Variants in ADGRE3 observed in about 807,000 individuals in gnomAD.
ADGRE3 encodes the protein adhesion G protein-coupled receptor E3.
In ADGRE3, 88 loss-of-function variants were observed where a neutral mutation model predicts 80.1. The ratio of observed to expected loss-of-function variants is 1.10; its 90% CI spans 0.93 to 1.31. The LOEUF is 1.31. Among genes scored for constraint, ADGRE3 ranks in the 40% most tolerant of loss-of-function variants. ADGRE3 has a pLI of 0.00. For synonymous variants in ADGRE3, 281 were observed against 294.8 expected (o/e 0.95, Z 0.48); for missense variants, 715 against 776.5 (o/e 0.92, Z 0.94).
At chr19:14,667,453 G>A (rs566703551) in intron 2 of ADGRE3, among the ~76,000 whole-genome samples, 7 of 151,890 alleles carry the variant, frequency 4.6e-5, no homozygotes, top group Admixed American at 3.3e-4. Flanking sequence ...ATGTCCATCA[G>A]TGATAGACTG....
At chr19:14,666,388 T>G (rs1972107830) in intron 2 of ADGRE3, among the ~76,000 whole-genome samples, 1 of 151,912 alleles carries the variant, frequency 6.6e-6, no homozygotes, top group Non-Finnish European at 1.5e-5. Context: ...ATTTTTTTTT[T>G]TTTTTAAAGA....
At chr19:14,660,162 T>C (rs1475078305) in intron 4 of ADGRE3, among the ~76,000 whole-genome samples, 1 of 152,138 alleles carries the variant, frequency 6.6e-6, no homozygotes, top group Non-Finnish European at 1.5e-5. Context: ...GAACCCCAAA[T>C]GGGCTCAGTC....
the ADGRE3 span, among the ~76,000 whole-genome samples, chr19:14,613,712 G>A: frequency 6.6e-6 from 1 of 151,978 alleles, no homozygotes; most frequent in South Asian, 2.1e-4. Flanking sequence ...TTGAGATGGA[G>A]TGTCACTCTG....
At chr19:14,651,334 G>C in intron 6 of ADGRE3, 130 bp from the exon 7 acceptor site, 1 of 1,023,350 alleles carries the variant, frequency 9.8e-7, no homozygotes, top group Non-Finnish European at 1.4e-6. Context: ...AGGATTGCTT[G>C]GGCCCAGGAA....
chr19:14,669,858 T>G (rs1472838625), intron 1 of ADGRE3, among the ~76,000 whole-genome samples: 1 of 152,130 alleles, frequency 6.6e-6, no homozygotes, highest in Admixed American at 6.6e-5. Context: ...AGTAGTTCTA[T>G]CTTTAGTTCT....
chr19:14,624,163 C>T (rs533671082), intron 15 of ADGRE3, among the ~76,000 whole-genome samples: 6 of 151,182 alleles, frequency 4.0e-5, no homozygotes, highest in African/African-American at 7.3e-5. Context: ...GGCACGAGCT[C>T]GGCTCACTGC....
the ADGRE3 span, chr19:14,610,184 A>G: frequency 1.9e-6 from 3 of 1,568,312 alleles, no homozygotes; most frequent in East Asian, 2.4e-5. Flanking sequence ...GTGAGCGGAA[A>G]TGTTCCTGTT....
the ADGRE3 span, among the ~76,000 whole-genome samples, chr19:14,602,351 G>A: frequency 6.6e-6 from 1 of 151,308 alleles, no homozygotes; most frequent in Non-Finnish European, 1.5e-5. Context: ...GTGCAGTGGC[G>A]CAGCCTCAGC....
At chr19:14,636,063 T>G (rs1971044398) in intron 11 of ADGRE3, among the ~76,000 whole-genome samples, 1 of 91,758 alleles carries the variant, frequency 1.1e-5, no homozygotes, top group South Asian at 4.0e-4. Context: ...CTTCCTTCCT[T>G]TCCTTTCCTT....
intron 2 of ADGRE3, among the ~76,000 whole-genome samples, chr19:14,664,836 G>GA (rs543123725): frequency 2.6e-5 from 4 of 151,304 alleles, no homozygotes; most frequent in Admixed American, 6.6e-5. Flanking sequence ...TCACAGAATT[G>GA]AAAAAAAATC....
At chr19:14,635,504 C>T (rs1005178961) in intron 11 of ADGRE3, among the ~76,000 whole-genome samples, 10 of 151,532 alleles carry the variant, frequency 6.6e-5, no homozygotes, top group African/African-American at 2.2e-4. Context: ...CTCCACCTCC[C>T]GGGTTCAAGT....
intron 2 of ADGRE3, among the ~76,000 whole-genome samples, chr19:14,664,839 A>C (rs1972047606): frequency 6.6e-6 from 1 of 152,272 alleles, no homozygotes; most frequent in African/African-American, 2.4e-5. Context: ...CAGAATTGAA[A>C]AAAAATCCAA....
At position 14,647,344 on chromosome 19, in the gene ADGRE3, A is replaced by G; in HGVS notation, c.719T>C (p.Ile240Thr). The G allele has an allele frequency of 6.2e-7, 1 of 1,610,638 alleles. No individual in the cohort carries two copies. Among genetic ancestry groups the G allele is most frequent in the Non-Finnish European group, 8.5e-7 (1 of 1,176,972 alleles). The change falls in exon 8 of 16, where the codon ATC becomes ACC. Residue 240 changes from isoleucine to threonine, a missense_variant. Ile to Thr is a moderately conservative substitution (Grantham distance 89, BLOSUM62 -1). Coordinates refer to ENST00000253673, the MANE Select transcript of ADGRE3 (RefSeq NM_032571.5). ...DTQGPSAIAF[I>T]SYSSLGNIIN... ...GATGTTTCCAAGAGAAGAATATGAG[A>G]TAAAGGCAATGGCACTGGGACCTGA...
intron 7 of ADGRE3, among the ~76,000 whole-genome samples, chr19:14,650,427 C>T (rs1971558825): frequency 6.8e-6 from 1 of 147,796 alleles, no homozygotes; most frequent in South Asian, 2.2e-4. Context: ...TCTCTCTTTC[C>T]ATCGCTCTCC....
rs1347941431 is a variant in ADGRE3, at chr19:14,647,106, AGCCTGGGATGATACACACATCGTTTG to A, written c.882+49_882+74del. ...CTGAACAGAGTGGGTCTAGAACCACAGCCTGGGATGATACACACATCGTTTGGCCTGCCTCCTTGAGAACCCACAAG... is the reference window on the plus strand; with the variant it reads ...CTGAACAGAGTGGGTCTAGAACCACAGCCTGCCTCCTTGAGAACCCACAAG... On this transcript the variant is annotated intron_variant, in intron 8 of 15. Transcript: ENST00000253673. The A allele has an allele frequency of 3.2e-6, 4 of 1,253,772 alleles. No homozygotes were observed. The African/African-American group carries it at 5.9e-5, about 19-fold the overall frequency. The allele number at this position is 1,253,772 out of a possible 1,614,324, so 77.7% of individuals were successfully genotyped here. A position where few individuals can be genotyped will look rare whatever the true frequency, so the allele number is the denominator to read the frequency against.
chr19:14,653,901 C>T (rs1259186620), intron 6 of ADGRE3, among the ~76,000 whole-genome samples: 1 of 150,954 alleles, frequency 6.6e-6, no homozygotes, highest in African/African-American at 2.4e-5. Flanking sequence ...TCCAGTTTTC[C>T]AAGAAGAATA....
chr19:14,663,451 T>C lies in ADGRE3; in HGVS notation c.166A>G (p.Lys56Glu), dbSNP rs754794750. The C allele has an allele frequency of 4.3e-6, 7 of 1,612,730 alleles. No homozygotes were observed. Among genetic ancestry groups the C allele is most frequent in the Middle Eastern group, 3.3e-4 (2 of 6,046 alleles). The change falls in exon 3 of 16, where the codon AAA (lysine) becomes GAA (glutamate). Residue 56 changes from lysine to glutamate, a missense_variant. Coordinates refer to ENST00000253673, the MANE Select transcript of ADGRE3 (RefSeq NM_032571.5). ...NHGYTSGSGQKLFTFPLETCN... is the reference protein window; with the variant it reads ...NHGYTSGSGQELFTFPLETCN... ...GTCTCCAAGGGGAATGTGAATAGTTTCTGCCCAGATCCAGAAGTATATCCA... is the reference window on the plus strand; with the variant it reads ...GTCTCCAAGGGGAATGTGAATAGTTCCTGCCCAGATCCAGAAGTATATCCA...
intron 7 of ADGRE3, among the ~76,000 whole-genome samples, chr19:14,650,696 AC>A (rs979629639): frequency 4.5e-5 from 4 of 89,144 alleles, no homozygotes; most frequent in East Asian, 2.9e-4. Context: ...CTCTTCCCAC[AC>A]CCCCCCACAC....
intron 10 of ADGRE3, 148 bp downstream of exon 10, chr19:14,641,271 G>T: frequency 1.1e-6 from 1 of 934,044 alleles, no homozygotes; most frequent in Non-Finnish European, 1.6e-6. Context: ...ATGGGTCCCA[G>T]CTACGATCTC....
Sources: gnomAD v4.1 joint callset for allele counts (sites outside exome capture counted in the v4.1 genomes callset) on GRCh38, gnomAD v4.1.1 for gene constraint, MANE v1.5 for transcripts, NCBI Gene and HGNC (gene_info 2026-07-23, HGNC 2026-07-21) for gene names.